The following ZNF595 variants were observed in gnomAD, a reference collection of about 807,000 sequenced individuals.
ZNF595 encodes zinc finger protein 595.
ZNF595 carries 9 observed loss-of-function variants against 19.4 expected under a neutral mutation model. The ratio of observed to expected loss-of-function variants is 0.46; its 90% confidence interval spans 0.28 to 0.81. The LOEUF (loss-of-function observed/expected upper bound fraction) is 0.81, where lower values mean the gene tolerates loss of function less well. ZNF595 is among the 30% of genes least tolerant of loss of function. The pLI is 0.11. For missense variants in ZNF595, 729 were observed against 736.0 expected, an observed-to-expected ratio of 0.99 and a Z score of 0.11; for synonymous variants, 255 against 255.9, an observed-to-expected ratio of 1.00 and a Z score of 0.03.
chr4:85,499 T>C (rs1357386641), intron 3 of ZNF595, among the ~76,000 whole-genome samples: 4 of 152,212 alleles, frequency 2.6e-5, no homozygotes, highest in Non-Finnish European at 5.9e-5. Flanking sequence ...ATGTGGTTCT[T>C]AGTATTGTAC....
chr4:87,574 C>A lies in ZNF595; in HGVS notation c.*123C>A. The A allele has an allele frequency of 1.1e-6, 1 of 872,850 alleles. No individual in the cohort carries two copies. Among genetic ancestry groups the A allele is most frequent in the Non-Finnish European group, 1.7e-6 (1 of 604,588 alleles). The allele number at this position is 872,850 out of a possible 1,614,324, so 54.1% of individuals were successfully genotyped here. ...AAATTTTTTAAAATTTCTGTAGGTA[C>A]ATAGTATGTGTATCTATTCATGGCT... On this transcript the variant is annotated 3_prime_UTR_variant, in exon 4 of 4. Transcript: ENST00000610261.
At position 87,274 on chromosome 4, in the gene ZNF595, A is replaced by G; in HGVS notation, c.1770A>G (p.Lys590=). Residue 590 remains lysine, a synonymous_variant, in exon 4 of 4, where the codon AAA becomes AAG. Coordinates refer to ENST00000610261, the MANE Select transcript of ZNF595 (RefSeq NM_182524.4). ...TKHKRIHTGE[K]PFTCEECGKA... is the part of the protein sequence containing the mutation. Reference sequence around the variant, plus strand: ...ATAAGAGAATTCATACTGGAGAGAAACCCTTCACATGTGAAGAATGTGGCA... The same window carrying G: ...ATAAGAGAATTCATACTGGAGAGAAGCCCTTCACATGTGAAGAATGTGGCA... 1 of 1,612,282 alleles carries G rather than the reference A, an allele frequency of 6.2e-7. No homozygotes were observed. The highest frequency in any genetic ancestry group is 8.5e-7 in the Non-Finnish European group (1 of 1,179,268).
chr4:77,957 G>A (rs1322509938), intron 3 of ZNF595, among the ~76,000 whole-genome samples: 2 of 151,938 alleles, frequency 1.3e-5, no homozygotes, highest in Admixed American at 6.6e-5. Context: ...TGATTCATAG[G>A]GCTGCTTCAG....
chr4:83,389 G>A (rs1245219997), intron 3 of ZNF595, among the ~76,000 whole-genome samples: 2 of 152,028 alleles, frequency 1.3e-5, no homozygotes, highest in Non-Finnish European at 2.9e-5. Context: ...GAAGGCCGAG[G>A]TGGGTGGTCA....
At chr4:77,030 A>G (rs1161251832) in intron 3 of ZNF595, among the ~76,000 whole-genome samples, 6 of 152,114 alleles carry the variant, frequency 3.9e-5, no homozygotes, top group African/African-American at 7.2e-5. Flanking sequence ...TCTTTAAACA[A>G]ATTTTTAAGA....
chr4:70,262 A>G (rs545977512), intron 3 of ZNF595, among the ~76,000 whole-genome samples: 124 of 151,906 alleles, frequency 8.2e-4, no homozygotes, highest in African/African-American at 2.9e-3. Context: ...AATTTTTTAT[A>G]TGGCCAGAGA....
At chr4:79,166 T>C (rs1713800039) in intron 3 of ZNF595, among the ~76,000 whole-genome samples, 1 of 152,228 alleles carries the variant, frequency 6.6e-6, no homozygotes, top group Non-Finnish European at 1.5e-5. Flanking sequence ...CTTTCTATAA[T>C]TTTATAATTC....
intron 3 of ZNF595, among the ~76,000 whole-genome samples, chr4:74,000 T>G (rs1377047595): frequency 6.6e-6 from 1 of 152,242 alleles, no homozygotes; most frequent in Non-Finnish European, 1.5e-5. Context: ...AAACTCCATA[T>G]ATTTGGTGTT....
At chr4:80,836 T>G (rs1175333797) in intron 3 of ZNF595, among the ~76,000 whole-genome samples, 2 of 151,052 alleles carry the variant, frequency 1.3e-5, no homozygotes, top group Non-Finnish European at 3.0e-5. Context: ...CCTGACAATT[T>G]AAGTTCTGGG....
At chr4:80,986 C>G (rs1553799795) in intron 3 of ZNF595, among the ~76,000 whole-genome samples, 1 of 152,054 alleles carries the variant, frequency 6.6e-6, no homozygotes, top group Admixed American at 6.6e-5. Context: ...CCTATTGCCC[C>G]CCACCCCCTC....
Position 87,399 on chromosome 4 carries a change from C to G in ZNF595, c.1895C>G (p.Pro632Arg). The G allele has an allele frequency of 6.2e-7, 1 of 1,612,096 alleles. No individual in the cohort carries two copies. The highest frequency in any genetic ancestry group is 8.5e-7 in the Non-Finnish European group (1 of 1,178,966). The change falls in exon 4 of 4, where the codon CCC becomes CGC. Residue 632 changes from proline (P) to arginine (R), a missense_variant. By Grantham distance (103) the Pro-to-Arg change is moderately radical. Around this residue, in one of 2 missense-constraint regions of ZNF595, gnomAD observed 729 missense variants for 675.3 expected, o/e 1.08. Coordinates refer to ENST00000610261, the MANE Select transcript of ZNF595 (RefSeq NM_182524.4). ...GAATGTGGCAAAGCTTTTAATCGGC[C>G]CTCAACCCTTACTGTACACAAGCGA... ...CEECGKAFNR[P>R]STLTVHKRIH...
intron 3 of ZNF595, among the ~76,000 whole-genome samples, chr4:72,961 A>G (rs782813450): frequency 6.6e-6 from 1 of 152,130 alleles, no homozygotes; most frequent in African/African-American, 2.4e-5. Context: ...ACATGAAAGG[A>G]GCCTTTACAC....
chr4:86,983 A>G lies in ZNF595; in HGVS notation c.1479A>G (p.Ala493=). The G allele has an allele frequency of 6.2e-7, 1 of 1,613,994 alleles. No homozygotes were observed. The highest frequency in any genetic ancestry group is 8.5e-7 in the Non-Finnish European group (1 of 1,179,960). Residue 493 remains alanine, a synonymous_variant, in exon 4 of 4, where the codon GCA becomes GCG. Coordinates refer to ENST00000610261, the MANE Select transcript of ZNF595 (RefSeq NM_182524.4). ...GTGGCAAAGCTTTCATATGGTCCGCAAGCCTGAATGAACATAAGAATATTC... is the reference window on the plus strand; with the variant it reads ...GTGGCAAAGCTTTCATATGGTCCGCGAGCCTGAATGAACATAAGAATATTC... ...EECGKAFIWS[A]SLNEHKNIHT... is the part of the protein sequence containing the mutation.
At chr4:67,785 AG>A in intron 3 of ZNF595, 1 of 534,340 alleles carries the variant, frequency 1.9e-6, no homozygotes, top group African/African-American at 1.9e-5. Flanking sequence ...ACTTTATAAT[AG>A]GTGTTTAAAA....
chr4:85,028 AG>A (rs1169540861), intron 3 of ZNF595, among the ~76,000 whole-genome samples: 8 of 152,228 alleles, frequency 5.3e-5, no homozygotes, highest in Non-Finnish European at 1.0e-4. Context: ...CAATCTTTAC[AG>A]TGTTGCCTTG....
chr4:83,642 A>AG (rs1454724810), intron 3 of ZNF595, among the ~76,000 whole-genome samples: 144 of 136,376 alleles, frequency 1.1e-3, no homozygotes, highest in African/African-American at 3.9e-3. Context: ...AAAAAAAAAA[A>AG]AAAGAAAGAA....
Position 86,498 on chromosome 4 carries a change from A to T in ZNF595, c.994A>T (p.Asn332Tyr). The T allele has an allele frequency of 6.2e-7, 1 of 1,614,060 alleles. No homozygotes were observed. The highest frequency in any genetic ancestry group is 8.5e-7 in the Non-Finnish European group (1 of 1,179,962). The change falls in exon 4 of 4, where the codon AAT (asparagine) becomes TAT (tyrosine). Residue 332 changes from asparagine to tyrosine, a missense_variant. By Grantham distance (143) the Asn-to-Tyr change is moderately radical. Around this residue, in one of 2 missense-constraint regions of ZNF595, gnomAD observed 729 missense variants for 675.3 expected, o/e 1.08. Coordinates refer to ENST00000610261, the MANE Select transcript of ZNF595 (RefSeq NM_182524.4). ...GTCCAGGAGCCTGAATGAACATAAA[A>T]ATATTCATACTGGCGAAAAACCCTA... Reference protein sequence around the residue: ...RQSRSLNEHKNIHTGEKPYTC... With the variant: ...RQSRSLNEHKYIHTGEKPYTC...
intron 3 of ZNF595, among the ~76,000 whole-genome samples, chr4:77,705 T>C (rs1015213264): frequency 3.9e-5 from 6 of 152,194 alleles, no homozygotes; most frequent in African/African-American, 1.2e-4. Flanking sequence ...CAGACAGTTG[T>C]GGATTCTATT....
intron 3 of ZNF595, among the ~76,000 whole-genome samples, chr4:76,366 A>T (rs1161266054): frequency 6.6e-6 from 1 of 152,162 alleles, no homozygotes; most frequent in Non-Finnish European, 1.5e-5. Context: ...CACACTATTT[A>T]TGTCATACTT....
Sources: gnomAD v4.1 joint callset for allele counts (sites outside exome capture counted in the v4.1 genomes callset) on GRCh38, gnomAD v4.1.1 for gene constraint, gnomAD v4.1.1 regional missense constraint, MANE v1.5 for transcripts, NCBI Gene and HGNC (gene_info 2026-07-23, HGNC 2026-07-21) for gene names.